The following ORC1 variants were observed in gnomAD, a reference collection of about 807,000 sequenced individuals.
The protein encoded by ORC1 is origin recognition complex, subunit 1 homolog.
ORC1 carries 61 observed loss-of-function variants against 98.9 expected under a neutral mutation model. The ratio of observed to expected loss-of-function variants is 0.62; its 90% CI spans 0.50 to 0.76. The LOEUF (loss-of-function observed/expected upper bound fraction) is 0.76, where lower values mean the gene tolerates loss of function less well. Ranked by LOEUF, ORC1 falls within the 30% of genes least tolerant of loss-of-function variation. The pLI, the probability that ORC1 is intolerant of heterozygous loss-of-function variation, is 0.00. For synonymous variants in ORC1, 385 were observed against 406.9 expected, an observed-to-expected ratio of 0.95 and a Z score of 0.65; for missense variants, 979 against 1,072.2, an observed-to-expected ratio of 0.91 and a Z score of 1.21.
chr1:52,406,307 C>T (rs1256843237), upstream of ORC1, among the ~76,000 whole-genome samples: 2 of 152,052 alleles, frequency 1.3e-5, no homozygotes, highest in Non-Finnish European at 2.9e-5. Context: ...TGTATTTTAT[C>T]TGTTCTGATT....
At chr1:52,398,266 A>C (rs1647519089) in intron 3 of ORC1, among the ~76,000 whole-genome samples, 1 of 132,466 alleles carries the variant, frequency 7.5e-6, no homozygotes, top group Admixed American at 7.7e-5. Context: ...CTCCCGCCAA[A>C]ATTTTTTTTT....
intron 14 of ORC1, among the ~76,000 whole-genome samples, chr1:52,379,759 CCT>C (rs1446983039): frequency 2.0e-5 from 3 of 151,544 alleles, no homozygotes; most frequent in Non-Finnish European, 4.4e-5. Flanking sequence ...ATGGTTAAAC[CCT>C]GTCTCTACTA....
At chr1:52,381,598 G>A (rs758180858) in intron 14 of ORC1, 44 bp downstream of exon 14, 1 of 1,606,888 alleles carries the variant, frequency 6.2e-7, no homozygotes, top group South Asian at 1.1e-5. Flanking sequence ...CAGGTACTCA[G>A]CAAAGATGTG....
chr1:52,375,332 T>A lies in ORC1; in HGVS notation c.2303+98A>T, dbSNP rs1486668980. The A allele has an allele frequency of 5.7e-6, 6 of 1,044,550 alleles. No homozygotes were observed. The African/African-American group carries it at 6.2e-5, about 11-fold the overall frequency. The allele number at this position is 1,044,550 out of a possible 1,614,324, so 64.7% of individuals were successfully genotyped here. A position where few individuals can be genotyped will look rare whatever the true frequency, so the allele number is the denominator to read the frequency against. On this transcript the variant is annotated intron_variant, in intron 15 of 16. Coordinates refer to ENST00000371568, the MANE Select transcript of ORC1 (RefSeq NM_004153.4). ...AGATAATGTCCCTATGAAACATAAC[T>A]GTGTTATTAATAAGTGCAGGTTGAA...
Position 52,374,722 on chromosome 1 carries a change from TAG to T in ORC1, c.2391+86_2391+87del, listed in dbSNP as rs1224224498. ...TTCACATACTCTAGGTGGCACAAAA[TAG>T]AGTGTCACACATTCATGGAAATTTC... On this transcript the variant is annotated intron_variant, in intron 16 of 16. Transcript: ENST00000371568. The T allele has an allele frequency of 6.3e-5, 55 of 873,462 alleles. No individual in the cohort carries two copies. The African/African-American group carries it at 6.3e-4, about 10-fold the overall frequency. 54.1% of individuals were successfully genotyped at this position (873,462 alleles called of 1,614,324 possible).
intron 5 of ORC1, 107 bp downstream of exon 5, chr1:52,395,939 T>C: frequency 1.3e-6 from 2 of 1,539,170 alleles, no homozygotes; most frequent in Non-Finnish European, 1.8e-6. Context: ...AGTTCCAGGC[T>C]ATAGTGCACT....
At chr1:52,392,561 TACCCAAA>T (rs1647241086) in intron 6 of ORC1, among the ~76,000 whole-genome samples, 1 of 152,176 alleles carries the variant, frequency 6.6e-6, no homozygotes, top group Non-Finnish European at 1.5e-5. Flanking sequence ...CCTGGGTATC[TACCCAAA>T]GGAAAAGAAG....
chr1:52,405,270 G>C (rs140192933), upstream of ORC1, among the ~76,000 whole-genome samples: 585 of 152,314 alleles, frequency 3.8e-3, 1 homozygote, highest in Admixed American at 7.1e-3. Flanking sequence ...ATCTGGGCCG[G>C]TTCCAGTATT....
chr1:52,374,940 A>ACAGCCACTG, intron 15 of ORC1, 43 bp from the exon 16 acceptor site: 1 of 1,246,518 alleles, frequency 8.0e-7, no homozygotes, highest in Non-Finnish European at 1.2e-6. Context: ...CAGTGGCTGT[A>ACAGCCACTG]ACCCCAGCCC....
At chr1:52,379,489 T>C (rs754393749) in intron 14 of ORC1, among the ~76,000 whole-genome samples, 75 of 151,798 alleles carry the variant, frequency 4.9e-4, no homozygotes, top group Non-Finnish European at 7.2e-4. Context: ...GTGATCCACC[T>C]GCCTCAGCCT....
chr1:52,401,945 C>T (rs1315414620), intron 2 of ORC1, among the ~76,000 whole-genome samples, 184 bp downstream of exon 2: 1 of 152,182 alleles, frequency 6.6e-6, no homozygotes, highest in Non-Finnish European at 1.5e-5. Flanking sequence ...TAATTTTGCT[C>T]CATCACTAAC....
intron 8 of ORC1, among the ~76,000 whole-genome samples, chr1:52,387,735 C>A (rs1203001798): frequency 6.6e-6 from 1 of 152,064 alleles, no homozygotes; most frequent in Non-Finnish European, 1.5e-5. Context: ...TGGGATTACA[C>A]GCATGAGCCA....
chr1:52,393,671 G>A lies in ORC1; in HGVS notation c.854C>T (p.Thr285Ile), dbSNP rs1460091603. ...SKRSQPDKLQ[T>I]LSPALKAPEK... ...TGGGGCTTTCAGAGCTGGAGACAAGGTTTGAAGTTTATCAGGCTGAGATCT... is the reference window on the plus strand; with the variant it reads ...TGGGGCTTTCAGAGCTGGAGACAAGATTTGAAGTTTATCAGGCTGAGATCT... Residue 285 changes from threonine (T) to isoleucine (I), a missense_variant, in exon 6 of 17, where the codon ACC becomes ATC. By Grantham distance (89) the Thr-to-Ile change is moderately conservative (BLOSUM62 -1). Transcript: ENST00000371568. 17 of 1,613,988 alleles carry A rather than the reference G, an allele frequency of 1.1e-5. No individual in the cohort carries two copies. Among genetic ancestry groups the A allele is most frequent in the Admixed American group, 3.3e-5 (2 of 59,984 alleles).
chr1:52,396,055 C>T lies in ORC1; in HGVS notation c.712G>A (p.Glu238Lys). 6.2e-7 allele frequency: 1 copy of T among 1,614,196 alleles called. No individual in the cohort carries two copies. Among genetic ancestry groups the T allele is most frequent in the Non-Finnish European group, 8.5e-7 (1 of 1,180,032 alleles). The change falls in exon 5 of 17, where the codon GAG becomes AAG. Residue 238 changes from glutamate (E) to lysine (K), a missense_variant. By Grantham distance (56) the Glu-to-Lys change is moderately conservative (BLOSUM62 1). Coordinates refer to ENST00000371568, the MANE Select transcript of ORC1 (RefSeq NM_004153.4). ...CCATTCCACAACTTACTGCCAAGCT[C>T]CAGCCTCTTTCTGGCTCTTGGGGTA... Reference protein sequence around the residue: ...PLTPRARKRLELGNLGNPQMS... With the variant: ...PLTPRARKRLKLGNLGNPQMS...
intron 4 of ORC1, 64 bp downstream of exon 4, chr1:52,397,621 T>C: frequency 3.4e-6 from 5 of 1,482,010 alleles, no homozygotes; most frequent in Admixed American, 1.7e-5. Flanking sequence ...TCTGGGGTCA[T>C]GAAGTTCAGG....
Position 52,397,622 on chromosome 1 carries a change from G to C in ORC1, c.402+63C>G. On this transcript the variant is annotated intron_variant, in intron 4 of 16. Coordinates refer to ENST00000371568, the MANE Select transcript of ORC1 (RefSeq NM_004153.4). Reference sequence around the variant, plus strand: ...GAGCCGGTAATATTTCTGGGGTCATGAAGTTCAGGAGGCAGACAGAAATAA... The same window carrying C: ...GAGCCGGTAATATTTCTGGGGTCATCAAGTTCAGGAGGCAGACAGAAATAA... 3 of 1,480,320 alleles carry C rather than the reference G, an allele frequency of 2.0e-6. No individual in the cohort carries two copies. In the South Asian group the frequency reaches 3.4e-5, roughly 17 times the overall value. 91.7% of individuals were successfully genotyped at this position (1,480,320 alleles called of 1,614,324 possible).
At chr1:52,404,860 G>C, upstream of ORC1, 1 of 1,614,192 alleles carries the variant, frequency 6.2e-7, no homozygotes. Context: ...ACTGGAAAGA[G>C]GAGTGCTTTG....
intron 13 of ORC1, among the ~76,000 whole-genome samples, chr1:52,382,793 T>G (rs993691157): frequency 3.3e-5 from 5 of 152,058 alleles, no homozygotes; most frequent in African/African-American, 1.2e-4. Context: ...TTGGTCAGGC[T>G]GGTCTCGAAC....
At chr1:52,407,252 G>A (rs952189271), upstream of ORC1, among the ~76,000 whole-genome samples, 6 of 152,092 alleles carry the variant, frequency 3.9e-5, no homozygotes, top group African/African-American at 1.4e-4. Context: ...CTCCTGACCC[G>A]GTGACCCACC....
Sources: gnomAD v4.1 joint callset for allele counts (sites outside exome capture counted in the v4.1 genomes callset) on GRCh38, gnomAD v4.1.1 for gene constraint, MANE v1.5 for transcripts, NCBI Gene and HGNC (gene_info 2026-07-23, HGNC 2026-07-21) for gene names.